EIF4G3: variants seen among roughly 807,000 people sequenced by gnomAD.
EIF4G3 encodes eukaryotic translation initiation factor 4 gamma 3, also known as eIF-4-gamma 3.
Under a neutral mutation model 186.4 loss-of-function variants are expected in EIF4G3, and 34 were observed. That is an observed-to-expected ratio of 0.18 (90% CI 0.14 to 0.24). EIF4G3 has a LOEUF of 0.24. EIF4G3 is among the 10% of genes least tolerant of loss of function. EIF4G3 has a pLI of 1.00. For missense variants in EIF4G3, 1,536 were observed against 1,948.5 expected, an observed-to-expected ratio of 0.79 and a Z score of 3.99; for synonymous variants, 673 against 679.5, an observed-to-expected ratio of 0.99 and a Z score of 0.15.
chr1:21,002,467 A>G (rs78042703), intron 5 of EIF4G3, among the ~76,000 whole-genome samples: 4,386 of 151,950 alleles, frequency 0.029, 88 homozygotes, highest in Non-Finnish European at 0.044. Flanking sequence ...CATGCTATAG[A>G]AAAGTATTAA....
At chr1:21,073,587 G>A in intron 3 of EIF4G3, 1 of 482,076 alleles carries the variant, frequency 2.1e-6, no homozygotes, top group Admixed American at 2.2e-5. Flanking sequence ...CACAGGAACT[G>A]TAGGCCTCAC....
At chr1:20,864,787 G>T in intron 21 of EIF4G3, 75 bp from the exon 22 acceptor site, 2 of 1,229,712 alleles carry the variant, frequency 1.6e-6, no homozygotes, top group Non-Finnish European at 2.3e-6. Context: ...GATTCATGGG[G>T]TCAGAATCCC....
intron 3 of EIF4G3, among the ~76,000 whole-genome samples, chr1:21,055,730 T>C (rs1345961265): frequency 6.6e-6 from 1 of 151,814 alleles, no homozygotes; most frequent in Non-Finnish European, 1.5e-5. Context: ...CAAAAACAGG[T>C]AGAAATAGCA....
chr1:20,810,114 C>A lies in EIF4G3; in HGVS notation c.4744+624G>T, dbSNP rs1272971193. ...GCTTTCTGAGTAGCTGTAGCTGGGACTACAGGCACATGCCACCACACCTAG... is the reference window on the plus strand; with the variant it reads ...GCTTTCTGAGTAGCTGTAGCTGGGAATACAGGCACATGCCACCACACCTAG... On this transcript the variant is annotated intron_variant, in intron 36 of 36. Coordinates refer to ENST00000602326, the MANE Select transcript of EIF4G3 (RefSeq NM_001391906.1). This position sits in a 1 kb window ranked among gnomAD's most constrained non-coding sequence, Gnocchi z 4.1. Among the ~76,000 whole-genome samples the A allele has an allele frequency of 6.6e-6, 1 of 150,950 alleles. No individual in the cohort carries two copies. The highest frequency in any genetic ancestry group is 1.9e-4 in the East Asian group (1 of 5,172).
At chr1:21,166,376 G>A (rs529099506) in intron 2 of EIF4G3, among the ~76,000 whole-genome samples, 6 of 152,074 alleles carry the variant, frequency 3.9e-5, no homozygotes, top group African/African-American at 1.4e-4. Context: ...GCTACTGTGA[G>A]CCATAATTAT....
intron 29 of EIF4G3, among the ~76,000 whole-genome samples, chr1:20,848,873 C>T (rs2072179216): frequency 6.6e-6 from 1 of 151,316 alleles, no homozygotes; most frequent in African/African-American, 2.4e-5. Context: ...ATGGTGAAAC[C>T]CCGCCTCTAC....
intron 7 of EIF4G3, among the ~76,000 whole-genome samples, chr1:20,996,017 T>C (rs2082214938): frequency 6.6e-6 from 1 of 152,224 alleles, no homozygotes; most frequent in Non-Finnish European, 1.5e-5. Context: ...GCCTTGTCCC[T>C]GGATTAAAAT....
chr1:20,918,805 G>A (rs1005702872), intron 14 of EIF4G3, among the ~76,000 whole-genome samples: 1 of 145,892 alleles, frequency 6.9e-6, no homozygotes, highest in Non-Finnish European at 1.5e-5. Flanking sequence ...TCAGCCTCCT[G>A]AGCAGCTGAG....
chr1:20,918,415 C>T (rs1419169569), intron 14 of EIF4G3, among the ~76,000 whole-genome samples: 1 of 152,046 alleles, frequency 6.6e-6, no homozygotes, highest in Non-Finnish European at 1.5e-5. Flanking sequence ...CCTATGTTGC[C>T]TAGGCTGGTC....
rs751476657 is a variant in EIF4G3 at position 21,176,842 on chromosome 1, G to A, written c.-576C>T. ...TGCCGGTGGATTTTCTTCACTCAACGAGCAGAGCATCCAACATGGCGCTGT... is the reference window on the plus strand; with the variant it reads ...TGCCGGTGGATTTTCTTCACTCAACAAGCAGAGCATCCAACATGGCGCTGT... On this transcript the variant is annotated 5_prime_UTR_variant, in exon 1 of 37. Coordinates refer to ENST00000602326, the MANE Select transcript of EIF4G3 (RefSeq NM_001391906.1). 5 of 701,538 alleles carry A rather than the reference G, an allele frequency of 7.1e-6. No homozygotes were observed. Among genetic ancestry groups the A allele is most frequent in the African/African-American group, 1.7e-5 (1 of 57,148 alleles). 43.5% of individuals were successfully genotyped at this position (701,538 alleles called of 1,614,324 possible).
At chr1:21,160,639 C>T (rs1472678353) in intron 2 of EIF4G3, among the ~76,000 whole-genome samples, 1 of 152,128 alleles carries the variant, frequency 6.6e-6, no homozygotes, top group African/African-American at 2.4e-5. Flanking sequence ...TCGCCCCATT[C>T]ATGAGAAAAC....
chr1:20,968,413 C>T (rs1000897813), intron 12 of EIF4G3, among the ~76,000 whole-genome samples: 3 of 152,052 alleles, frequency 2.0e-5, no homozygotes, highest in South Asian at 2.1e-4. Context: ...CTCCAGACCT[C>T]GGGTGATTTG....
chr1:21,167,871 G>GA, intron 2 of EIF4G3: 1 of 277,060 alleles, frequency 3.6e-6, no homozygotes, highest in Non-Finnish European at 7.6e-6. Context: ...AATTGTATGG[G>GA]AAAAAAACTT....
At chr1:20,815,402 T>A (rs1209723396) in intron 34 of EIF4G3, among the ~76,000 whole-genome samples, 1 of 139,692 alleles carries the variant, frequency 7.2e-6, no homozygotes, top group Non-Finnish European at 1.6e-5. Context: ...GACCCGCCCA[T>A]CGTCTGAGTG....
intron 2 of EIF4G3, among the ~76,000 whole-genome samples, chr1:21,134,600 C>T (rs796706303): frequency 5.9e-5 from 9 of 152,212 alleles, no homozygotes; most frequent in Admixed American, 1.3e-4. Context: ...GCCCGGGAGG[C>T]GGAGGTTGCA....
chr1:21,113,507 T>C (rs939639219), intron 2 of EIF4G3, among the ~76,000 whole-genome samples: 3 of 152,026 alleles, frequency 2.0e-5, no homozygotes, highest in Non-Finnish European at 4.4e-5. Flanking sequence ...ATTCAATGAG[T>C]GATAGTTTTT....
At chr1:20,863,767 A>AAG (rs10562823) in intron 22 of EIF4G3, among the ~76,000 whole-genome samples, 108 of 148,940 alleles carry the variant, frequency 7.3e-4, no homozygotes, top group Non-Finnish European at 1.0e-3. Context: ...AAAAAAAAAA[A>AAG]AGAGAGAGAG....
intron 3 of EIF4G3, among the ~76,000 whole-genome samples, chr1:21,080,326 A>T (rs1295283838): frequency 2.0e-5 from 3 of 151,666 alleles, no homozygotes; most frequent in African/African-American, 7.3e-5. Context: ...AACAAAAAAA[A>T]AAGAGAGAGA....
intron 19 of EIF4G3, among the ~76,000 whole-genome samples, chr1:20,879,778 C>T (rs2081802483): frequency 6.6e-6 from 1 of 152,048 alleles, no homozygotes; most frequent in African/African-American, 2.4e-5. Flanking sequence ...GTTAACATTT[C>T]TAAGGGCAAT....
Sources: allele counts gnomAD v4.1 joint callset (sites outside exome capture counted in the v4.1 genomes callset), GRCh38; gene constraint gnomAD v4.1.1; non-coding constraint Gnocchi (gnomAD v3.1); transcripts MANE v1.5; gene names NCBI Gene and HGNC (gene_info 2026-07-23, HGNC 2026-07-21).